TNRC18: variants seen among roughly 807,000 people sequenced by gnomAD.
TNRC18 encodes trinucleotide repeat-containing gene 18 protein.
A neutral mutation model predicts 226.7 loss-of-function variants in TNRC18; 69 were observed. The ratio of observed to expected loss-of-function variants is 0.30; its 90% CI spans 0.25 to 0.37. The LOEUF (loss-of-function observed/expected upper bound fraction) is 0.37, where lower values mean the gene tolerates loss of function less well. Ranked by LOEUF, TNRC18 falls within the 10% of genes least tolerant of loss-of-function variation. The pLI is 1.00. For synonymous variants in TNRC18, 2,449 were observed against 1,927.6 expected, an observed-to-expected ratio of 1.27 and a Z score of -7.09; for missense variants, 4,754 against 4,256.6, an observed-to-expected ratio of 1.12 and a Z score of -3.25.
At chr7:5,328,962 T>G (rs1789226766) in intron 19 of TNRC18, among the ~76,000 whole-genome samples, 1 of 152,130 alleles carries the variant, frequency 6.6e-6, no homozygotes, top group Non-Finnish European at 1.5e-5. Context: ...CACTCCAGAC[T>G]GGGAAACAGA....
intron 21 of TNRC18, among the ~76,000 whole-genome samples, chr7:5,322,121 C>T (rs1397824990): frequency 1.3e-5 from 2 of 152,076 alleles, no homozygotes; most frequent in Non-Finnish European, 1.5e-5. Context: ...CTACTAAAAA[C>T]ACAAATATTA....
In TNRC18 at chr7:5,356,959, C is replaced by T. The variant is rs1388517934; in HGVS notation, c.5151G>A (p.Ser1717=). ...CTTCCGAGGCAAACGGGGAATGGGC[C>T]GACTTGGGCTGGCCTCTGGCCTTGA... ...VGFKARGQPK[S]AHSPFASEVS... The change falls in exon 16 of 30, where the codon TCG becomes TCA. Residue 1717 remains serine, a synonymous_variant. Transcript: ENST00000430969. 9 of 1,551,432 alleles carry T rather than the reference C, an allele frequency of 5.8e-6. No individual in the cohort carries two copies. The highest frequency in any genetic ancestry group is 1.4e-5 in the African/African-American group (1 of 73,158).
At chr7:5,364,189 T>C (rs556926670) in intron 11 of TNRC18, among the ~76,000 whole-genome samples, 1 of 151,780 alleles carries the variant, frequency 6.6e-6, no homozygotes, top group East Asian at 2.0e-4. Context: ...GTCCCAGCTA[T>C]TCGGGGGTTG....
In TNRC18 at chr7:5,315,944, C is replaced by T; in HGVS notation, c.6862+12G>A. The T allele has an allele frequency of 6.4e-7, 1 of 1,555,150 alleles. No individual in the cohort carries two copies. The highest frequency in any genetic ancestry group is 8.7e-7 in the Non-Finnish European group (1 of 1,153,442). ...CTGGCAGGAGACCGGGTGTCATGAGCTTGTCACTTACACTGTATCTTATAG... is the reference window on the plus strand; with the variant it reads ...CTGGCAGGAGACCGGGTGTCATGAGTTTGTCACTTACACTGTATCTTATAG... On this transcript the variant is annotated intron_variant, in intron 25 of 29. Transcript: ENST00000430969.
chr7:5,344,303 G>T (rs1177075620), intron 18 of TNRC18, among the ~76,000 whole-genome samples: 1 of 152,196 alleles, frequency 6.6e-6, no homozygotes, highest in African/African-American at 2.4e-5. Context: ...CCATTTGGAG[G>T]TTCTGGGCAG....
chr7:5,366,286 A>G (rs1793609043), intron 11 of TNRC18, among the ~76,000 whole-genome samples: 1 of 123,506 alleles, frequency 8.1e-6, no homozygotes, highest in East Asian at 2.6e-4. Flanking sequence ...AATCATCCCT[A>G]GTTGAGAATG....
intron 4 of TNRC18, 46 bp downstream of exon 4, chr7:5,390,439 C>G: frequency 6.2e-7 from 1 of 1,611,250 alleles, no homozygotes; most frequent in Non-Finnish European, 8.5e-7. Context: ...CCAGAAGCCT[C>G]TCAGAAGGCC....
chr7:5,348,391 T>C (rs991607230), intron 17 of TNRC18, among the ~76,000 whole-genome samples: 2 of 151,986 alleles, frequency 1.3e-5, no homozygotes, highest in Non-Finnish European at 2.9e-5. Context: ...CCAGACCCTT[T>C]CTCTCCAGGG....
At chr7:5,420,567 C>G (rs1051633287) in intron 2 of TNRC18, 1 of 449,668 alleles carries the variant, frequency 2.2e-6, no homozygotes, top group Non-Finnish European at 4.5e-6. Context: ...CTCCCGCATC[C>G]CCCGGCGCTC....
chr7:5,374,666 T>A (rs1372604650), intron 9 of TNRC18, among the ~76,000 whole-genome samples, 182 bp from the exon 10 acceptor site: 2 of 152,172 alleles, frequency 1.3e-5, no homozygotes, highest in African/African-American at 4.8e-5. Flanking sequence ...CCATGTGTCA[T>A]AAGCACAGCG....
chr7:5,335,012 G>A (rs937411182), intron 18 of TNRC18, among the ~76,000 whole-genome samples: 1 of 152,044 alleles, frequency 6.6e-6, no homozygotes, highest in African/African-American at 2.4e-5. Context: ...AATAGAAAGC[G>A]AGCCAGTGGC....
At position 5,324,453 on chromosome 7, in the gene TNRC18, G is replaced by T; in HGVS notation, c.6301-98C>A. The T allele has an allele frequency of 2.7e-6, 4 of 1,484,900 alleles. No individual in the cohort carries two copies. Among genetic ancestry groups the T allele is most frequent in the Non-Finnish European group, 3.7e-6 (4 of 1,093,194 alleles). 92.0% of individuals were successfully genotyped at this position (1,484,900 alleles called of 1,614,324 possible). On this transcript the variant is annotated intron_variant, in intron 20 of 29. Transcript: ENST00000430969. This position sits in a 1 kb window ranked among gnomAD's most constrained non-coding sequence, Gnocchi z 4.8. ...GGAAACCTGGAGCCACAGTCAGGCC[G>T]CAGGGGGAATCTGTCATGTGCATGG...
rs1172450038 is a variant in TNRC18 at position 5,387,853 on chromosome 7, C to A, written c.1971G>T (p.Arg657Ser). Residue 657 changes from arginine to serine, a missense_variant, in exon 5 of 30, where the codon AGG becomes AGT. Physicochemically the swap from Arg to Ser is moderately radical, Grantham distance 110 (BLOSUM62 -1). Coordinates refer to ENST00000430969, the MANE Select transcript of TNRC18 (RefSeq NM_001080495.3). ...GCCCGAAAGCTTTGGCGCTCTCGGG[C>A]CTCTCGGGGTCCCGCTTCAGCTGCC... ...GGRQLKRDPE[R>S]PESAKAFGRE... is the part of the protein sequence containing the mutation. 1 of 1,601,378 alleles carries A rather than the reference C, an allele frequency of 6.2e-7. No individual in the cohort carries two copies. Among genetic ancestry groups the A allele is most frequent in the Admixed American group, 1.7e-5 (1 of 58,778 alleles).
Position 5,387,845 on chromosome 7 carries a change from C to T in TNRC18, c.1979G>A (p.Ser660Asn), listed in dbSNP as rs556632015. 9.4e-6 allele frequency: 15 copies of T among 1,601,158 alleles called. No homozygotes were observed. In the Admixed American group the frequency reaches 1.4e-4, roughly 15 times the overall value. The change falls in exon 5 of 30, where the codon AGC becomes AAC. Residue 660 changes from serine to asparagine, a missense_variant. Physicochemically the swap from Ser to Asn is conservative, Grantham distance 46. Transcript: ENST00000430969. ...GCCCTCGCGCCCGAAAGCTTTGGCG[C>T]TCTCGGGCCTCTCGGGGTCCCGCTT... ...QLKRDPERPE[S>N]AKAFGREGSG...
intron 24 of TNRC18, among the ~76,000 whole-genome samples, chr7:5,318,555 T>C (rs1286493271): frequency 1.3e-5 from 2 of 151,886 alleles, no homozygotes; most frequent in East Asian, 1.9e-4. Flanking sequence ...ATGAAGGAAA[T>C]TTGCTTCAAA....
chr7:5,359,662 G>C, intron 14 of TNRC18, 93 bp from the exon 15 acceptor site: 2 of 1,455,288 alleles, frequency 1.4e-6, no homozygotes, highest in Non-Finnish European at 1.9e-6. Flanking sequence ...TTGGGCTCTG[G>C]ACCCTGAGCG....
Position 5,377,583 on chromosome 7 carries a change from G to C in TNRC18, c.2256-7C>G. The C allele has an allele frequency of 6.4e-7, 1 of 1,572,280 alleles. No homozygotes were observed. Among genetic ancestry groups the C allele is most frequent in the East Asian group, 2.3e-5 (1 of 42,650 alleles). ...AGCCAGCTCCTTACTCTCTCTGGAA[G>C]GAGGATCATAGGTGTCAGCGACAGC... On this transcript the variant is annotated splice_region_variant and splice_polypyrimidine_tract_variant and intron_variant, in intron 6 of 29. Transcript: ENST00000430969. The surrounding 1 kb of genome is among the most constrained non-coding windows in gnomAD (Gnocchi z 5.8).
At chr7:5,422,042 G>A (rs1782617679) in intron 1 of TNRC18, among the ~76,000 whole-genome samples, 1 of 152,158 alleles carries the variant, frequency 6.6e-6, no homozygotes, top group African/African-American at 2.4e-5. Context: ...TTCTGGGGGT[G>A]GGAGGAGGGA....
chr7:5,350,635 C>T (rs1470720103), intron 17 of TNRC18, among the ~76,000 whole-genome samples: 3 of 152,186 alleles, frequency 2.0e-5, no homozygotes, highest in Non-Finnish European at 4.4e-5. Context: ...GAAAAAATGT[C>T]AGAGATTCAC....
Sources: gnomAD v4.1 joint callset for allele counts (sites outside exome capture counted in the v4.1 genomes callset) on GRCh38, gnomAD v4.1.1 for gene constraint, Gnocchi (gnomAD v3.1) non-coding constraint, MANE v1.5 for transcripts, NCBI Gene and HGNC (gene_info 2026-07-23, HGNC 2026-07-21) for gene names.